NEK11: variants seen among roughly 807,000 people sequenced by gnomAD.
NEK11 encodes serine/threonine-protein kinase Nek11.
NEK11 carries 72 observed loss-of-function variants against 80.7 expected under a neutral mutation model. The ratio of observed to expected loss-of-function variants is 0.89; its 90% CI spans 0.74 to 1.08. The LOEUF (loss-of-function observed/expected upper bound fraction) is 1.08. Ranked by LOEUF, NEK11 falls within the 50% of genes least tolerant of loss-of-function variation. The probability of loss-of-function intolerance (pLI) is 0.00; values close to 1 mark genes in which losing one functional copy is unlikely to be tolerated. For synonymous variants in NEK11, 251 were observed against 260.7 expected (o/e 0.96, Z 0.36); for missense variants, 764 against 763.6 (o/e 1.00, Z -0.01).
chr3:131,266,608 G>C (rs2096064140), intron 16 of NEK11, among the ~76,000 whole-genome samples: 1 of 152,136 alleles, frequency 6.6e-6, no homozygotes, highest in South Asian at 2.1e-4. Flanking sequence ...TTTGCTAAAG[G>C]AGTGTTTTTA....
At chr3:131,029,973 C>T in intron 3 of NEK11, 95 bp downstream of exon 3, 1 of 1,169,148 alleles carries the variant, frequency 8.6e-7, no homozygotes, top group Non-Finnish European at 1.2e-6. Flanking sequence ...GGTATGGTGG[C>T]TCATGCCTGT....
intron 17 of NEK11, among the ~76,000 whole-genome samples, chr3:131,312,945 T>G (rs969296186): frequency 6.6e-6 from 1 of 152,080 alleles, no homozygotes; most frequent in Admixed American, 6.6e-5. Context: ...TACCCAATAA[T>G]AGTTATTTTT....
At chr3:131,249,436 G>A (rs889864534) in intron 16 of NEK11, among the ~76,000 whole-genome samples, 1 of 152,056 alleles carries the variant, frequency 6.6e-6, no homozygotes, top group Non-Finnish European at 1.5e-5. Context: ...TAGACCCCAG[G>A]TGCCTTTCTC....
At chr3:131,346,634 G>T (rs2097367087) in intron 17 of NEK11, among the ~76,000 whole-genome samples, 2 of 152,200 alleles carry the variant, frequency 1.3e-5, no homozygotes, top group South Asian at 4.1e-4. Flanking sequence ...ATGATGATGG[G>T]CCATGAAATT....
At chr3:131,049,449 C>T (rs900052585) in intron 3 of NEK11, among the ~76,000 whole-genome samples, 5 of 152,146 alleles carry the variant, frequency 3.3e-5, no homozygotes, top group African/African-American at 1.2e-4. Flanking sequence ...CCACTTGTAT[C>T]GTCACTCTAT....
chr3:131,268,533 T>C (rs924775082), intron 16 of NEK11, among the ~76,000 whole-genome samples: 43 of 152,254 alleles, frequency 2.8e-4, no homozygotes, highest in Non-Finnish European at 5.6e-4. Context: ...ACCCCTCTGC[T>C]GCAGGTCTGC....
intron 17 of NEK11, among the ~76,000 whole-genome samples, chr3:131,286,344 A>C (rs2096470276): frequency 6.6e-6 from 1 of 152,168 alleles, no homozygotes; most frequent in Non-Finnish European, 1.5e-5. Flanking sequence ...CAGTGTTCCT[A>C]GTAGCTCCTG....
chr3:131,061,165 G>T (rs1235938485), intron 3 of NEK11, among the ~76,000 whole-genome samples: 1 of 152,146 alleles, frequency 6.6e-6, no homozygotes, highest in African/African-American at 2.4e-5. Flanking sequence ...GTTTCACTCT[G>T]AAGTTTGAGT....
intron 4 of NEK11, among the ~76,000 whole-genome samples, chr3:131,093,649 A>AC (rs2077046252): frequency 6.6e-6 from 1 of 151,794 alleles, no homozygotes; most frequent in Admixed American, 6.6e-5. Context: ...ACTCCTGACC[A>AC]CCCGCCTCTG....
At chr3:131,223,763 G>A (rs192499622) in intron 14 of NEK11, among the ~76,000 whole-genome samples, 6 of 152,164 alleles carry the variant, frequency 3.9e-5, no homozygotes, top group East Asian at 1.9e-4. Flanking sequence ...AAACCTTGAC[G>A]GAATCAGTGG....
At chr3:131,231,922 C>A (rs1430469195) in intron 15 of NEK11, among the ~76,000 whole-genome samples, 1 of 152,090 alleles carries the variant, frequency 6.6e-6, no homozygotes, top group Non-Finnish European at 1.5e-5. Flanking sequence ...GAGCCAAAGT[C>A]ACATAGTTAT....
intron 7 of NEK11, among the ~76,000 whole-genome samples, chr3:131,147,518 A>G: frequency 6.6e-6 from 1 of 152,198 alleles, no homozygotes; most frequent in Admixed American, 6.5e-5. Flanking sequence ...ATATTTGGTC[A>G]TACAAAACTT....
intron 4 of NEK11, among the ~76,000 whole-genome samples, chr3:131,099,846 T>G (rs1038773557): frequency 1.3e-5 from 2 of 152,236 alleles, no homozygotes; most frequent in African/African-American, 4.8e-5. Context: ...TAAAATTGTT[T>G]ATCACTTCTA....
chr3:131,164,648 A>G (rs2149983323), intron 11 of NEK11, among the ~76,000 whole-genome samples: 1 of 152,322 alleles, frequency 6.6e-6, no homozygotes, highest in African/African-American at 2.4e-5. Flanking sequence ...CTTTCACATG[A>G]TACACTAATA....
chr3:131,251,584 C>T lies in NEK11; in HGVS notation c.1621+8088C>T, dbSNP rs77416958. Among the ~76,000 whole-genome samples the T allele has an allele frequency of 4.2e-3, 639 of 152,136 alleles. 19 individuals are homozygous for T. In the East Asian group the frequency reaches 0.057, roughly 14 times the overall value. ...TTATCTGATTGCAAGGTTCTGAATA[C>T]GTTAATTAAATGTATTTTTCAGTTT... is the stretch of plus-strand genomic sequence containing the variant. On this transcript the variant is annotated intron_variant, in intron 16 of 17. Transcript: ENST00000383366.
chr3:131,341,586 A>G (rs968416341), intron 17 of NEK11, among the ~76,000 whole-genome samples: 4 of 152,222 alleles, frequency 2.6e-5, no homozygotes, highest in Admixed American at 2.0e-4. Context: ...TCACTTATCA[A>G]TAACTGAGCA....
chr3:131,338,656 C>A (rs998153958), intron 17 of NEK11, among the ~76,000 whole-genome samples: 3 of 152,184 alleles, frequency 2.0e-5, no homozygotes, highest in African/African-American at 7.2e-5. Flanking sequence ...AAACACTGAT[C>A]AGCAATAAAA....
chr3:131,126,691 T>C (rs1297802317), intron 5 of NEK11, among the ~76,000 whole-genome samples: 2 of 152,168 alleles, frequency 1.3e-5, no homozygotes, highest in Non-Finnish European at 2.9e-5. Flanking sequence ...TTGTTTTAAA[T>C]TCTGCTTGGG....
intron 17 of NEK11, among the ~76,000 whole-genome samples, chr3:131,276,626 A>G (rs1269435593): frequency 2.0e-5 from 3 of 151,856 alleles, no homozygotes; most frequent in East Asian, 1.9e-4. Context: ...ATATATACAT[A>G]TACACTTATA....
Sources: allele counts gnomAD v4.1 joint callset (sites outside exome capture counted in the v4.1 genomes callset), GRCh38; gene constraint gnomAD v4.1.1; transcripts MANE v1.5; gene names NCBI Gene and HGNC (gene_info 2026-07-23, HGNC 2026-07-21).